CADM4: variants seen among roughly 807,000 people sequenced by gnomAD.
CADM4 encodes the protein TSLC1-like 2.
Under a neutral mutation model 43.9 loss-of-function variants are expected in CADM4, and 13 were observed. The observed-to-expected ratio is 0.30, with a 90% CI of 0.19 to 0.47. The LOEUF (loss-of-function observed/expected upper bound fraction) is 0.47, where lower values mean the gene tolerates loss of function less well. CADM4 is among the 20% of genes least tolerant of loss of function. The pLI is 1.00. For missense variants in CADM4, 420 were observed against 527.0 expected (o/e 0.80, Z 1.99); for synonymous variants, 209 against 220.9 (o/e 0.95, Z 0.48).
chr19:43,627,756 T>C lies in CADM4; in HGVS notation c.99A>G (p.Thr33=). The change falls in exon 2 of 9, where the codon ACA becomes ACG. Residue 33 remains threonine, a synonymous_variant. Transcript: ENST00000222374. This position sits in a 1 kb window ranked among gnomAD's most constrained non-coding sequence, Gnocchi z 4.0. ...AGQEVQTENV[T]VAEGGVAEIT... ...TCTCAGCCACCCCACCCTCAGCCACTGTCACGTTCTCTGTCTGTACTTCCT... is the reference window on the plus strand; with the variant it reads ...TCTCAGCCACCCCACCCTCAGCCACCGTCACGTTCTCTGTCTGTACTTCCT... The C allele has an allele frequency of 6.2e-7, 1 of 1,614,024 alleles. No homozygotes were observed. Among genetic ancestry groups the C allele is most frequent in the Non-Finnish European group, 8.5e-7 (1 of 1,179,902 alleles).
chr19:43,626,407 C>T lies in CADM4; in HGVS notation c.500-119G>A. ...TCCACCCCTTACCCACAGGCCCCGC[C>T]TCTTGTCCTCCAAGCTACGCCCCTC... is the stretch of plus-strand genomic sequence containing the variant. On this transcript the variant is annotated intron_variant, in intron 4 of 8. Transcript: ENST00000222374. This position sits in a 1 kb window ranked among gnomAD's most constrained non-coding sequence, Gnocchi z 5.9. 2 of 1,265,374 alleles carry T rather than the reference C, an allele frequency of 1.6e-6. No homozygotes were observed. The highest frequency in any genetic ancestry group is 1.4e-5 in the South Asian group (1 of 70,438). The allele number at this position is 1,265,374 out of a possible 1,614,324, so 78.4% of individuals were successfully genotyped here.
Position 43,627,626 on chromosome 19 carries a change from C to A in CADM4, c.211+18G>T. The A allele has an allele frequency of 6.2e-7, 1 of 1,607,946 alleles. No individual in the cohort carries two copies. The highest frequency in any genetic ancestry group is 8.5e-7 in the Non-Finnish European group (1 of 1,175,098). On this transcript the variant is annotated intron_variant, in intron 2 of 8. Transcript: ENST00000222374. The surrounding 1 kb of genome is among the most constrained non-coding windows in gnomAD (Gnocchi z 4.0). ...CTCTCTTCCTTTAAGACTCCTGAGT[C>A]TGGTCCCCAGCACTCACCACGGGTG...
intron 7 of CADM4, 50 bp from the exon 8 acceptor site, chr19:43,624,292 T>C: frequency 6.2e-7 from 1 of 1,612,448 alleles, no homozygotes; most frequent in Non-Finnish European, 8.5e-7. Flanking sequence ...ACGATCCCAG[T>C]CTGGCCCCAT....
intron 1 of CADM4, among the ~76,000 whole-genome samples, chr19:43,631,914 A>C (rs1222026855): frequency 6.6e-6 from 1 of 151,950 alleles, no homozygotes; most frequent in African/African-American, 2.4e-5. Flanking sequence ...TATTTTTTTA[A>C]TTTATTTTAG....
At chr19:43,636,336 C>T (rs924805350) in intron 1 of CADM4, among the ~76,000 whole-genome samples, 3 of 152,046 alleles carry the variant, frequency 2.0e-5, no homozygotes, top group Admixed American at 6.5e-5. Flanking sequence ...GTGTGGGGTA[C>T]GAGAGGAATT....
rs753326187 is a variant in CADM4, at chr19:43,625,073, C to G, written c.928+5G>C. The G allele has an allele frequency of 8.2e-6, 13 of 1,582,838 alleles. No homozygotes were observed. Among genetic ancestry groups the G allele is most frequent in the Non-Finnish European group, 1.1e-5 (13 of 1,164,686 alleles). ...CGCCCTCAGTCGGCCGCAGCCTGCT[C>G]TCACCGTAGACCACAAGTACGTAGA... On this transcript the variant is annotated splice_donor_5th_base_variant and intron_variant, in intron 7 of 8. Coordinates refer to ENST00000222374, the MANE Select transcript of CADM4 (RefSeq NM_145296.2). The surrounding 1 kb of genome is among the most constrained non-coding windows in gnomAD (Gnocchi z 4.5).
At chr19:43,633,664 C>T (rs10420841) in intron 1 of CADM4, among the ~76,000 whole-genome samples, 30 of 148,456 alleles carry the variant, frequency 2.0e-4, no homozygotes, top group African/African-American at 6.0e-4. Flanking sequence ...CTTTCTCTCT[C>T]TCTTTCTTTC....
intron 1 of CADM4, among the ~76,000 whole-genome samples, chr19:43,630,535 C>T (rs961535787): frequency 5.9e-5 from 9 of 151,996 alleles, no homozygotes; most frequent in Non-Finnish European, 8.8e-5. Context: ...CCACCCGCCT[C>T]GGCCTCCCAA....
rs540211552 is a variant in CADM4, at chr19:43,626,347, C to T, written c.500-59G>A. On this transcript the variant is annotated intron_variant, in intron 4 of 8. Coordinates refer to ENST00000222374, the MANE Select transcript of CADM4 (RefSeq NM_145296.2). This position sits in a 1 kb window ranked among gnomAD's most constrained non-coding sequence, Gnocchi z 5.9. ...AATTCCGGCTCCATCCACCCACCCA[C>T]CCGAGCCAACGCCAAAGCAGGCTAT... 1.3e-6 allele frequency: 2 copies of T among 1,580,550 alleles called. No homozygotes were observed.
intron 1 of CADM4, among the ~76,000 whole-genome samples, chr19:43,637,561 G>A (rs148155925): frequency 2.2e-3 from 334 of 152,276 alleles, no homozygotes; most frequent in African/African-American, 7.6e-3. Context: ...ACTGGTAAAA[G>A]CCACATACTA....
At chr19:43,638,785 G>T (rs1007442815) in intron 1 of CADM4, among the ~76,000 whole-genome samples, 1 of 152,200 alleles carries the variant, frequency 6.6e-6, no homozygotes, top group East Asian at 1.9e-4. Flanking sequence ...ACACGCCAAG[G>T]TCCCCCATTC....
chr19:43,631,347 G>GA (rs956359519), intron 1 of CADM4, among the ~76,000 whole-genome samples: 50 of 116,722 alleles, frequency 4.3e-4, no homozygotes, highest in South Asian at 1.1e-3. Context: ...TTTCAAAAAA[G>GA]AAAAAAAAAA....
At chr19:43,624,276 C>T (rs1303707892) in intron 7 of CADM4, 34 bp from the exon 8 acceptor site, 3 of 1,613,954 alleles carry the variant, frequency 1.9e-6, no homozygotes, top group Non-Finnish European at 2.5e-6. Flanking sequence ...ACCAGGTCAT[C>T]AGAGGACGAT....
chr19:43,635,814 T>C (rs1275664894), intron 1 of CADM4, among the ~76,000 whole-genome samples: 2 of 98,912 alleles, frequency 2.0e-5, no homozygotes, highest in Non-Finnish European at 3.9e-5. Context: ...CCCAGGAGTC[T>C]AAGACCCCAG....
chr19:43,623,757 T>TC lies in CADM4; in HGVS notation c.1058-319dup, dbSNP rs1476179118. Among the ~76,000 whole-genome samples the TC allele has an allele frequency of 6.6e-6, 1 of 152,154 alleles. No homozygotes were observed. Among genetic ancestry groups the TC allele is most frequent in the Non-Finnish European group, 1.5e-5 (1 of 68,024 alleles). On this transcript the variant is annotated intron_variant, in intron 8 of 8. Transcript: ENST00000222374. This position sits in a 1 kb window ranked among gnomAD's most constrained non-coding sequence, Gnocchi z 4.4. ...TTTATTCAAATCCATGCTCTTTTTT[T>TC]CCCCTAATTTTTTGTATTTTTAGTA...
At chr19:43,631,760 C>A (rs892739722) in intron 1 of CADM4, among the ~76,000 whole-genome samples, 6 of 152,172 alleles carry the variant, frequency 3.9e-5, no homozygotes, top group Non-Finnish European at 8.8e-5. Flanking sequence ...CATATTGAAC[C>A]ATGAGGACAA....
intron 1 of CADM4, among the ~76,000 whole-genome samples, chr19:43,637,322 G>A (rs1302281083): frequency 1.3e-5 from 2 of 152,170 alleles, no homozygotes; most frequent in Admixed American, 6.5e-5. Context: ...CCCCTAAAAT[G>A]TGGTAGCCAA....
chr19:43,630,716 C>T (rs1364528692), intron 1 of CADM4, among the ~76,000 whole-genome samples: 2 of 152,176 alleles, frequency 1.3e-5, no homozygotes, highest in South Asian at 2.1e-4. Flanking sequence ...TGTATATCCA[C>T]TCCTGGCTGT....
At chr19:43,630,325 G>A (rs112855625) in intron 1 of CADM4, among the ~76,000 whole-genome samples, 2,798 of 114,598 alleles carry the variant, frequency 0.024, 61 homozygotes, top group Middle Eastern at 0.089. Flanking sequence ...TTGCTCTGTC[G>A]CCCAGGCTAG....
Sources: gnomAD v4.1 joint callset for allele counts (sites outside exome capture counted in the v4.1 genomes callset) on GRCh38, gnomAD v4.1.1 for gene constraint, Gnocchi (gnomAD v3.1) non-coding constraint, MANE v1.5 for transcripts, NCBI Gene and HGNC (gene_info 2026-07-23, HGNC 2026-07-21) for gene names.